CREBBP: variants seen among roughly 807,000 people sequenced by gnomAD.
The protein encoded by CREBBP is CREB binding lysine acetyltransferase.
CREBBP carries 19 observed loss-of-function variants against 265.0 expected under a neutral mutation model. The observed-to-expected ratio is 0.07, with a 90% CI of 0.05 to 0.11. CREBBP has a LOEUF of 0.11. CREBBP is among the 10% of genes least tolerant of loss of function. The pLI, the probability that CREBBP is intolerant of heterozygous loss-of-function variation, is 1.00. For synonymous variants in CREBBP, 1,457 were observed against 1,223.7 expected (o/e 1.19, Z -3.98); for missense variants, 2,525 against 3,219.0 (o/e 0.78, Z 5.22).
chr16:3,775,797 A>G (rs903621628), intron 11 of CREBBP, among the ~76,000 whole-genome samples: 3 of 152,250 alleles, frequency 2.0e-5, no homozygotes, highest in African/African-American at 7.2e-5. Context: ...GCTGGTAAAC[A>G]GCAGGGGCAT....
At chr16:3,862,301 T>C (rs2055093046) in intron 1 of CREBBP, among the ~76,000 whole-genome samples, 2 of 152,032 alleles carry the variant, frequency 1.3e-5, no homozygotes, top group Non-Finnish European at 2.9e-5. Flanking sequence ...CAGGCAGAGA[T>C]GGCTGCTCTG....
At position 3,733,178 on chromosome 16, in the gene CREBBP, C is replaced by A. The variant is rs532129303; in HGVS notation, c.4729-1241G>T. On this transcript the variant is annotated intron_variant, in intron 28 of 30. Coordinates refer to ENST00000262367, the MANE Select transcript of CREBBP (RefSeq NM_004380.3). The stretch of plus-strand genomic sequence containing the variant: ...GAAATCAAGACCAACCTGGCTAACA[C>A]GGTGAAACTCCGTCTCTACTAAAAA... 2.0e-5 allele frequency among the ~76,000 whole-genome samples: 3 copies of A among 151,884 alleles called. No individual in the cohort carries two copies. The East Asian group carries it at 5.9e-4, about 30-fold the overall frequency.
rs769981994 is a variant in CREBBP, at chr16:3,738,724, C to G, written c.4281-52G>C. ...TCAGGGTATCCCTCAAATCTGAAATCAAACACAAGCAACAAACAACACCCT... is the reference window on the plus strand; with the variant it reads ...TCAGGGTATCCCTCAAATCTGAAATGAAACACAAGCAACAAACAACACCCT... On this transcript the variant is annotated intron_variant, in intron 25 of 30. Transcript: ENST00000262367. 4.4e-5 allele frequency: 51 copies of G among 1,153,510 alleles called. No homozygotes were observed. In the South Asian group the frequency reaches 6.1e-4, roughly 14 times the overall value. 71.5% of individuals were successfully genotyped at this position (1,153,510 alleles called of 1,614,324 possible).
intron 19 of CREBBP, among the ~76,000 whole-genome samples, chr16:3,754,124 G>A (rs1408039305): frequency 2.8e-5 from 4 of 143,882 alleles, no homozygotes; most frequent in Non-Finnish European, 5.9e-5. Context: ...AACCGGGGAG[G>A]CAAAGCATTA....
At chr16:3,847,063 C>T (rs1426606328) in intron 2 of CREBBP, among the ~76,000 whole-genome samples, 1 of 152,140 alleles carries the variant, frequency 6.6e-6, no homozygotes, top group Non-Finnish European at 1.5e-5. Context: ...AAGTCAGAAA[C>T]AATCCAAATG....
At chr16:3,772,366 C>A (rs900192983) in intron 13 of CREBBP, among the ~76,000 whole-genome samples, 1 of 144,842 alleles carries the variant, frequency 6.9e-6, no homozygotes, top group African/African-American at 2.5e-5. Flanking sequence ...CACACACACA[C>A]GTTAGTTACT....
At chr16:3,739,508 A>T (rs2151336130) in intron 25 of CREBBP, 70 bp downstream of exon 25, 1 of 1,590,352 alleles carries the variant, frequency 6.3e-7, no homozygotes, top group Non-Finnish European at 8.6e-7. Flanking sequence ...CCTCTGGGAC[A>T]CTTAAGAGCC....
chr16:3,830,081 C>T (rs1237179098), intron 2 of CREBBP, among the ~76,000 whole-genome samples: 1 of 152,176 alleles, frequency 6.6e-6, no homozygotes, highest in Non-Finnish European at 1.5e-5. Flanking sequence ...ACGCTGCTTA[C>T]AAGAGACATA....
At chr16:3,769,973 C>T (rs769982255) in intron 14 of CREBBP, among the ~76,000 whole-genome samples, 12 of 151,994 alleles carry the variant, frequency 7.9e-5, no homozygotes, top group Admixed American at 2.6e-4. Context: ...CAGGCTCAAG[C>T]GATTCTCCCG....
chr16:3,860,494 T>TG (rs2055051056), intron 1 of CREBBP, among the ~76,000 whole-genome samples: 4 of 152,158 alleles, frequency 2.6e-5, no homozygotes, highest in Admixed American at 2.6e-4. Context: ...CCAAGACTGC[T>TG]GGCATGTGCC....
intron 1 of CREBBP, among the ~76,000 whole-genome samples, chr16:3,856,041 T>C (rs948242556): frequency 3.3e-5 from 5 of 152,252 alleles, no homozygotes; most frequent in African/African-American, 4.8e-5. Flanking sequence ...TTACAAAATA[T>C]TCTGTAACCC....
At chr16:3,809,327 G>A (rs537659016) in intron 3 of CREBBP, among the ~76,000 whole-genome samples, 4 of 152,060 alleles carry the variant, frequency 2.6e-5, no homozygotes, top group South Asian at 2.1e-4. Context: ...ACAGGTGCCC[G>A]CCACCATGCC....
intron 13 of CREBBP, 74 bp downstream of exon 13, chr16:3,773,677 C>T (rs2141213582): frequency 6.8e-7 from 1 of 1,462,340 alleles, no homozygotes; most frequent in Non-Finnish European, 9.4e-7. Flanking sequence ...CGAAGGAAGA[C>T]AGAAAAAAAA....
At chr16:3,823,907 A>T (rs1168250681) in intron 2 of CREBBP, among the ~76,000 whole-genome samples, 1 of 151,994 alleles carries the variant, frequency 6.6e-6, no homozygotes, top group Non-Finnish European at 1.5e-5. Context: ...AGCTCTCTTC[A>T]GCAGTGATGC....
intron 1 of CREBBP, among the ~76,000 whole-genome samples, chr16:3,872,670 C>T (rs550617445): frequency 2.0e-5 from 3 of 152,218 alleles, no homozygotes; most frequent in South Asian, 2.1e-4. Flanking sequence ...GCAGACGGCA[C>T]GGCCAGGAGC....
At chr16:3,845,369 G>A (rs1270347649) in intron 2 of CREBBP, among the ~76,000 whole-genome samples, 1 of 152,162 alleles carries the variant, frequency 6.6e-6, no homozygotes, top group African/African-American at 2.4e-5. Context: ...ACAGGAACAA[G>A]CAAAGGTCAA....
At chr16:3,798,648 T>C (rs577516844) in intron 3 of CREBBP, among the ~76,000 whole-genome samples, 1 of 152,166 alleles carries the variant, frequency 6.6e-6, no homozygotes. Flanking sequence ...ACCCACCACA[T>C]GGCTATAATA....
At chr16:3,761,882 C>G (rs539613364) in intron 16 of CREBBP, among the ~76,000 whole-genome samples, 1 of 152,268 alleles carries the variant, frequency 6.6e-6, no homozygotes, top group African/African-American at 2.4e-5. Context: ...AACAAATAGC[C>G]TTTTGATTTC....
At chr16:3,809,239 G>T (rs537688111) in intron 3 of CREBBP, among the ~76,000 whole-genome samples, 55 of 151,564 alleles carry the variant, frequency 3.6e-4, no homozygotes, top group African/African-American at 1.3e-3. Flanking sequence ...GTGCAGTGGC[G>T]CGATCTCCGC....
Sources: gnomAD v4.1 joint callset for allele counts (sites outside exome capture counted in the v4.1 genomes callset) on GRCh38, gnomAD v4.1.1 for gene constraint, MANE v1.5 for transcripts, NCBI Gene and HGNC (gene_info 2026-07-23, HGNC 2026-07-21) for gene names.